The following ATF6 variants were observed in gnomAD, a reference collection of about 807,000 sequenced individuals.
The protein encoded by ATF6 is cyclic AMP-dependent transcription factor ATF-6 alpha.
A neutral mutation model predicts 83.6 loss-of-function variants in ATF6; 53 were observed. The observed-to-expected ratio is 0.63, with a 90% CI of 0.51 to 0.80. The LOEUF (loss-of-function observed/expected upper bound fraction) is 0.80. ATF6 is among the 30% of genes least tolerant of loss of function. The probability of loss-of-function intolerance (pLI) is 0.00; values close to 1 mark genes in which losing one functional copy is unlikely to be tolerated. For missense variants in ATF6, 744 were observed against 797.9 expected (o/e 0.93, Z 0.81); for synonymous variants, 288 against 285.8 (o/e 1.01, Z -0.08).
chr1:161,941,126 A>T (rs1338252106), intron 15 of ATF6, among the ~76,000 whole-genome samples: 1 of 152,228 alleles, frequency 6.6e-6, no homozygotes, highest in Non-Finnish European at 1.5e-5. Flanking sequence ...TTGGGAGAGC[A>T]TCACCTCTGC....
intron 15 of ATF6, 98 bp downstream of exon 15, chr1:161,912,478 G>A (rs1688010726): frequency 7.2e-6 from 5 of 694,954 alleles, no homozygotes; most frequent in Non-Finnish European, 1.2e-5. Flanking sequence ...TCAGTTAAAT[G>A]AGTATATATC....
chr1:161,803,964 G>A (rs1685217504), intron 7 of ATF6, among the ~76,000 whole-genome samples: 1 of 150,902 alleles, frequency 6.6e-6, no homozygotes, highest in Non-Finnish European at 1.5e-5. Context: ...CTAGCATTAG[G>A]TATGTCTCCC....
chr1:161,856,590 T>G (rs926004477), intron 12 of ATF6, among the ~76,000 whole-genome samples: 2 of 152,236 alleles, frequency 1.3e-5, no homozygotes, highest in African/African-American at 4.8e-5. Flanking sequence ...GATATAGGTT[T>G]CAGGCTTCCA....
intron 6 of ATF6, among the ~76,000 whole-genome samples, chr1:161,794,938 A>G (rs949795531): frequency 1.3e-5 from 2 of 152,032 alleles, no homozygotes; most frequent in African/African-American, 4.8e-5. Flanking sequence ...GCTGAACGAT[A>G]GAGAGGAAGG....
At chr1:161,784,974 C>A (rs994697415) in intron 4 of ATF6, among the ~76,000 whole-genome samples, 2 of 152,192 alleles carry the variant, frequency 1.3e-5, no homozygotes, top group East Asian at 3.9e-4. Context: ...TTAGTAACTT[C>A]CCAGTCCTTA....
At chr1:161,853,191 T>G (rs1282200802) in intron 11 of ATF6, 33 bp from the exon 12 acceptor site, 1 of 1,364,284 alleles carries the variant, frequency 7.3e-7, no homozygotes. Flanking sequence ...TTAATTAATT[T>G]CTATGTTTAA....
At chr1:161,788,184 T>A (rs936188264) in intron 4 of ATF6, among the ~76,000 whole-genome samples, 1 of 152,244 alleles carries the variant, frequency 6.6e-6, no homozygotes, top group African/African-American at 2.4e-5. Flanking sequence ...CAGCAGTGCC[T>A]GAGGATCCCT....
intron 6 of ATF6, among the ~76,000 whole-genome samples, chr1:161,792,566 T>C (rs1296421103): frequency 6.6e-6 from 1 of 152,212 alleles, no homozygotes; most frequent in Non-Finnish European, 1.5e-5. Context: ...ACTTTCTTGG[T>C]GCCATTTTAT....
At chr1:161,788,352 T>G (rs961436773) in intron 4 of ATF6, among the ~76,000 whole-genome samples, 1 of 152,208 alleles carries the variant, frequency 6.6e-6, no homozygotes. Context: ...TTTTTGGACT[T>G]TTTTTCTTTT....
intron 15 of ATF6, among the ~76,000 whole-genome samples, chr1:161,948,638 A>C (rs1364911494): frequency 6.6e-6 from 1 of 152,268 alleles, no homozygotes; most frequent in Non-Finnish European, 1.5e-5. Context: ...ATTCCATCTA[A>C]GGATGAGATT....
At chr1:161,945,829 A>G (rs540326796) in intron 15 of ATF6, among the ~76,000 whole-genome samples, 2 of 152,312 alleles carry the variant, frequency 1.3e-5, no homozygotes, top group East Asian at 3.9e-4. Context: ...ATCACAAATA[A>G]TTGGGAATTT....
chr1:161,820,328 A>T (rs1282905997), intron 8 of ATF6, among the ~76,000 whole-genome samples: 1 of 151,872 alleles, frequency 6.6e-6, no homozygotes, highest in Non-Finnish European at 1.5e-5. Flanking sequence ...GGCTTCTTAC[A>T]CTCTTTTTCT....
intron 1 of ATF6, among the ~76,000 whole-genome samples, chr1:161,766,882 T>G (rs1684278277): frequency 6.6e-6 from 1 of 152,188 alleles, no homozygotes; most frequent in African/African-American, 2.4e-5. Flanking sequence ...AATTCTAATC[T>G]TACAGCTTTT....
At chr1:161,857,520 A>G (rs1008030697) in intron 12 of ATF6, among the ~76,000 whole-genome samples, 5 of 152,316 alleles carry the variant, frequency 3.3e-5, no homozygotes, top group Non-Finnish European at 4.4e-5. Flanking sequence ...AGAGAAAACC[A>G]AGGGAATTTG....
Position 161,802,172 on chromosome 1 carries a change from T to G in ATF6, c.809T>G (p.Val270Gly). 6.2e-7 allele frequency: 1 copy of G among 1,614,054 alleles called. No individual in the cohort carries two copies. Among genetic ancestry groups the G allele is most frequent in the South Asian group, 1.1e-5 (1 of 91,084 alleles). The change falls in exon 7 of 16, where the codon GTG becomes GGG. Residue 270 changes from valine to glycine, a missense_variant. Transcript: ENST00000367942. ...GGVTQLPNHVVNVVPAPSANS... is the reference protein window; with the variant it reads ...GGVTQLPNHVGNVVPAPSANS... The stretch of plus-strand genomic sequence containing the variant: ...GTCACACAGCTCCCTAATCACGTGG[T>G]GAATGTGGTACCAGCCCCTTCAGCG...
chr1:161,784,408 A>G (rs531541034), intron 4 of ATF6, among the ~76,000 whole-genome samples: 60 of 151,246 alleles, frequency 4.0e-4, no homozygotes, highest in Admixed American at 1.3e-3. Context: ...TCTCCTCCCT[A>G]TTAGGATATA....
At chr1:161,866,422 G>A (rs1242033546) in intron 14 of ATF6, among the ~76,000 whole-genome samples, 2 of 152,124 alleles carry the variant, frequency 1.3e-5, no homozygotes, top group African/African-American at 4.8e-5. Context: ...CTGAGTTCCT[G>A]TTATAGCTCA....
chr1:161,775,991 CTGTA>C (rs1684506890), intron 1 of ATF6, among the ~76,000 whole-genome samples: 2 of 151,956 alleles, frequency 1.3e-5, no homozygotes, highest in South Asian at 4.2e-4. Context: ...CCACAGCTAT[CTGTA>C]TGTGTTATAT....
At chr1:161,915,100 G>T (rs1168376140) in intron 15 of ATF6, among the ~76,000 whole-genome samples, 1 of 151,942 alleles carries the variant, frequency 6.6e-6, no homozygotes, top group Non-Finnish European at 1.5e-5. Flanking sequence ...CTCAGCTGAT[G>T]AACTCACCAA....
Sources: gnomAD v4.1 joint callset for allele counts (sites outside exome capture counted in the v4.1 genomes callset) on GRCh38, gnomAD v4.1.1 for gene constraint, MANE v1.5 for transcripts, NCBI Gene and HGNC (gene_info 2026-07-23, HGNC 2026-07-21) for gene names.